The following ZEB1 variants were observed in gnomAD, a reference collection of about 807,000 sequenced individuals.
The protein encoded by ZEB1 is zinc finger E-box binding homeobox 1.
A neutral mutation model predicts 84.9 loss-of-function variants in ZEB1; 21 were observed. The observed-to-expected ratio is 0.25, with a 90% confidence interval of 0.18 to 0.36. ZEB1 has a LOEUF of 0.36. Ranked by LOEUF, ZEB1 falls within the 10% of genes least tolerant of loss-of-function variation. The pLI is 1.00. For missense variants in ZEB1, 1,104 were observed against 1,330.2 expected (o/e 0.83, Z 2.65); for synonymous variants, 420 against 471.1 (o/e 0.89, Z 1.41).
intron 1 of ZEB1, among the ~76,000 whole-genome samples, chr10:31,436,513 G>C (rs2058313543): frequency 6.6e-6 from 1 of 152,138 alleles, no homozygotes. Context: ...CTAGGGTACA[G>C]TCCTGGTTAC....
chr10:31,473,325 A>C (rs2063558461), intron 2 of ZEB1, among the ~76,000 whole-genome samples: 1 of 149,388 alleles, frequency 6.7e-6, no homozygotes, highest in African/African-American at 2.5e-5. Context: ...GTCTCAGCCC[A>C]AAATCTCCTT....
intron 1 of ZEB1, among the ~76,000 whole-genome samples, chr10:31,426,526 CT>C (rs1440628023): frequency 6.6e-6 from 1 of 152,168 alleles, no homozygotes; most frequent in Non-Finnish European, 1.5e-5. Flanking sequence ...GTCAGTCTAA[CT>C]TTATAACGCT....
At position 31,502,504 on chromosome 10, in the gene ZEB1, A is replaced by C. The variant is rs554218294; in HGVS notation, c.479A>C (p.Glu160Ala). The change falls in exon 4 of 9, where the codon GAA becomes GCA. Residue 160 changes from glutamate to alanine, a missense_variant. Transcript: ENST00000424869. The part of the protein sequence containing the change: ...QGTPEASGHD[E>A]NGTPDAFSQL... ...ACACCAGAAGCCAGTGGTCATGATGAAAATGGTAAATGGATCTTAACAGTT... is the reference window on the plus strand; with the variant it reads ...ACACCAGAAGCCAGTGGTCATGATGCAAATGGTAAATGGATCTTAACAGTT... 1.7e-5 allele frequency: 27 copies of C among 1,613,816 alleles called. No individual in the cohort carries two copies. The South Asian group carries it at 2.4e-4, about 14-fold the overall frequency.
intron 2 of ZEB1, among the ~76,000 whole-genome samples, chr10:31,468,306 A>G (rs185396922): frequency 9.4e-4 from 143 of 152,084 alleles, no homozygotes; most frequent in Non-Finnish European, 2.4e-4. Flanking sequence ...CTTATCAACA[A>G]AGGCCAAGTA....
rs144292770 is a variant in ZEB1 at position 31,384,312 on chromosome 10, G to C, written c.58+65020G>C. ...TCCTTGAAGAATGGGCTATGAACTG[G>C]TGCTGGTTTGTTAATCAATCCATGA... On this transcript the variant is annotated intron_variant, in intron 1 of 8. Transcript: ENST00000424869. Among the ~76,000 whole-genome samples, 7 of 152,226 alleles carry C rather than the reference G, an allele frequency of 4.6e-5. No individual in the cohort carries two copies. The East Asian group carries it at 1.2e-3, about 25-fold the overall frequency.
rs570603266 is a variant in ZEB1 at position 31,455,927 on chromosome 10, A to G, written c.59-5110A>G. On this transcript the variant is annotated intron_variant, in intron 1 of 8. Coordinates refer to ENST00000424869, the MANE Select transcript of ZEB1 (RefSeq NM_001174096.2). The stretch of plus-strand genomic sequence containing the variant: ...ACTCGGTATATACCCAAAGGATTAT[A>G]AATCATGCTGCTATAAAGACACATG... Among the ~76,000 whole-genome samples the G allele has an allele frequency of 2.0e-5, 3 of 152,336 alleles. No homozygotes were observed. The East Asian group carries it at 5.8e-4, about 29-fold the overall frequency.
chr10:31,359,271 T>C (rs1301732304), intron 1 of ZEB1, among the ~76,000 whole-genome samples: 15 of 152,074 alleles, frequency 9.9e-5, no homozygotes. Flanking sequence ...CTATGTTAAT[T>C]TAAAATGCAA....
At chr10:31,505,135 C>T (rs1244201724) in intron 4 of ZEB1, among the ~76,000 whole-genome samples, 1 of 152,066 alleles carries the variant, frequency 6.6e-6, no homozygotes, top group Non-Finnish European at 1.5e-5. Flanking sequence ...TGGGATAAAT[C>T]CCACTTGATC....
intron 4 of ZEB1, among the ~76,000 whole-genome samples, chr10:31,507,316 C>G (rs2069149080): frequency 6.6e-6 from 1 of 152,040 alleles, no homozygotes; most frequent in Non-Finnish European, 1.5e-5. Context: ...TGGAGAAGAT[C>G]TTTTTGAATT....
intron 2 of ZEB1, among the ~76,000 whole-genome samples, chr10:31,471,836 AAG>A (rs1692807640): frequency 6.8e-6 from 1 of 146,434 alleles, no homozygotes; most frequent in Non-Finnish European, 1.5e-5. Context: ...GCAAATGTAA[AAG>A]AACAGAAATT....
intron 1 of ZEB1, among the ~76,000 whole-genome samples, chr10:31,411,028 G>T (rs555550410): frequency 1.2e-3 from 186 of 151,928 alleles, no homozygotes; most frequent in African/African-American, 4.3e-3. Context: ...ATTTCTTGTC[G>T]TCTGCTAGCT....
At chr10:31,476,500 C>T (rs971515755) in intron 2 of ZEB1, among the ~76,000 whole-genome samples, 1 of 151,896 alleles carries the variant, frequency 6.6e-6, no homozygotes, top group Non-Finnish European at 1.5e-5. Context: ...AAGCCCAGGA[C>T]CAGAGAGATT....
chr10:31,461,101 T>C lies in ZEB1; in HGVS notation c.123T>C (p.Ile41=), dbSNP rs1370897522. The C allele has an allele frequency of 6.2e-7, 1 of 1,613,534 alleles. No homozygotes were observed. The highest frequency in any genetic ancestry group is 1.1e-5 in the South Asian group (1 of 91,068). ...SDSDDEDKLH[I]VEEESVTDAA... ...CAGATGATGAAGACAAACTGCATAT[T>C]GTGGAAGAAGAAAGTGTTACAGATG... Residue 41 remains isoleucine (I), a synonymous_variant, in exon 2 of 9, where the codon ATT becomes ATC. Transcript: ENST00000424869.
At chr10:31,383,341 T>A (rs2048032892) in intron 1 of ZEB1, among the ~76,000 whole-genome samples, 1 of 152,104 alleles carries the variant, frequency 6.6e-6, no homozygotes, top group Non-Finnish European at 1.5e-5. Context: ...TTATTTAAAT[T>A]TAAATAGATA....
chr10:31,433,505 G>T (rs2057962561), intron 1 of ZEB1, among the ~76,000 whole-genome samples: 1 of 152,126 alleles, frequency 6.6e-6, no homozygotes, highest in East Asian at 1.9e-4. Flanking sequence ...TTGTCAGTTG[G>T]TTATTCTTTC....
At chr10:31,393,760 C>T (rs960289422) in intron 1 of ZEB1, among the ~76,000 whole-genome samples, 2 of 152,196 alleles carry the variant, frequency 1.3e-5, no homozygotes, top group East Asian at 3.9e-4. Flanking sequence ...ATTTAAGAAC[C>T]ATTAAAAGTG....
intron 1 of ZEB1, among the ~76,000 whole-genome samples, chr10:31,456,640 T>C (rs563825906): frequency 6.6e-6 from 1 of 152,214 alleles, no homozygotes; most frequent in Non-Finnish European, 1.5e-5. Context: ...GGCTGTGGAA[T>C]CTAGCCAACC....
At chr10:31,427,257 TACTG>T (rs1438962430) in intron 1 of ZEB1, among the ~76,000 whole-genome samples, 3 of 152,196 alleles carry the variant, frequency 2.0e-5, no homozygotes, top group African/African-American at 7.2e-5. Flanking sequence ...ATCCACCACT[TACTG>T]AAGAATTCTA....
At chr10:31,367,817 C>T (rs1226828531) in intron 1 of ZEB1, among the ~76,000 whole-genome samples, 1 of 152,066 alleles carries the variant, frequency 6.6e-6, no homozygotes, top group Non-Finnish European at 1.5e-5. Flanking sequence ...GATACTTGCT[C>T]TTGCTTTTAG....
Sources: allele counts gnomAD v4.1 joint callset (sites outside exome capture counted in the v4.1 genomes callset), GRCh38; gene constraint gnomAD v4.1.1; transcripts MANE v1.5; gene names NCBI Gene and HGNC (gene_info 2026-07-23, HGNC 2026-07-21).